APOB: variants seen among roughly 807,000 people sequenced by gnomAD.
The protein encoded by APOB is apolipoprotein B, also known as apolipoprotein B-100.
APOB carries 153 observed loss-of-function variants against 314.1 expected under a neutral mutation model. That is an observed-to-expected ratio of 0.49 (90% confidence interval 0.43 to 0.56). The LOEUF is 0.56. Among genes scored for constraint, APOB ranks in the 20% least tolerant of loss-of-function variants. The pLI, the probability that APOB is intolerant of heterozygous loss-of-function variation, is 0.00. For missense variants in APOB, 5,430 were observed against 5,350.7 expected (o/e 1.01, Z -0.46); for synonymous variants, 2,087 against 2,036.4 (o/e 1.02, Z -0.67).
At position 21,005,218 on chromosome 2, in the gene APOB, T is replaced by A; in HGVS notation, c.11650A>T (p.Thr3884Ser). The change falls in exon 26 of 29, where the codon ACT becomes TCT. Residue 3884 changes from threonine (T) to serine (S), a missense_variant. Thr to Ser is a moderately conservative substitution (Grantham distance 58). Coordinates refer to ENST00000233242, the MANE Select transcript of APOB (RefSeq NM_000384.3). ...GGAGAGTCTACCTCAAAGCGTGCAG[T>A]CAGTGCTTGAAAGGAAGGAATGACA... ...GIVIPSFQAL[T>S]ARFEVDSPVY... 1 of 1,614,050 alleles carries A rather than the reference T, an allele frequency of 6.2e-7. No homozygotes were observed. Among genetic ancestry groups the A allele is most frequent in the Non-Finnish European group, 8.5e-7 (1 of 1,179,968 alleles).
intron 21 of APOB, 89 bp from the exon 22 acceptor site, chr2:21,015,634 C>T: frequency 1.4e-6 from 2 of 1,391,254 alleles, no homozygotes; most frequent in South Asian, 1.2e-5. Context: ...TTGTGGTGAT[C>T]AAAACCAGAT....
intron 8 of APOB, among the ~76,000 whole-genome samples, chr2:21,033,997 A>G (rs1283622794): frequency 6.6e-6 from 1 of 152,228 alleles, no homozygotes; most frequent in Non-Finnish European, 1.5e-5. Context: ...AGGAGGTGCT[A>G]CTGTTGACAT....
intron 17 of APOB, 121 bp downstream of exon 17, chr2:21,023,404 G>A: frequency 1.7e-6 from 2 of 1,179,890 alleles, no homozygotes; most frequent in Non-Finnish European, 1.2e-6. Flanking sequence ...ATAATGAGGT[G>A]ATTACAATGA....
At position 21,015,982 on chromosome 2, in the gene APOB, G is replaced by A. The variant is rs373898025; in HGVS notation, c.3333-437C>T. The stretch of plus-strand genomic sequence containing the variant: ...GGTAGGAAAATCCAACTGGACATGC[G>A]CAGAGGGTTAAAATGTTGAGAGCTT... On this transcript the variant is annotated intron_variant, in intron 21 of 28. Transcript: ENST00000233242. 6.6e-4 allele frequency among the ~76,000 whole-genome samples: 101 copies of A among 152,278 alleles called. 6 individuals are homozygous for A. Among genetic ancestry groups the A allele is most frequent in the East Asian group, 2.3e-3 (12 of 5,170 alleles).
chr2:21,019,027 A>G lies in APOB; in HGVS notation c.3086T>C (p.Leu1029Ser). Residue 1029 changes from leucine (L) to serine (S), a missense_variant, in exon 20 of 29, where the codon TTG (leucine) becomes TCG (serine). Around this residue, in one of 3 missense-constraint regions of APOB, gnomAD observed 2,085 missense variants for 2,079.7 expected, o/e 1.00. Coordinates refer to ENST00000233242, the MANE Select transcript of APOB (RefSeq NM_000384.3). Reference sequence around the variant, plus strand: ...AGTTACAAACTTCAGGGTATCCACCAAGGCTCTGTCCTCTCTCTGGAGCTC... The same window carrying G: ...AGTTACAAACTTCAGGGTATCCACCGAGGCTCTGTCCTCTCTCTGGAGCTC... ...TYELQREDRA[L>S]VDTLKFVTQA... 22 of 1,614,076 alleles carry G rather than the reference A, an allele frequency of 1.4e-5. No homozygotes were observed. Among genetic ancestry groups the G allele is most frequent in the Non-Finnish European group, 1.9e-5 (22 of 1,180,010 alleles).
In APOB at chr2:21,009,408, G is replaced by C; in HGVS notation, c.7460C>G (p.Thr2487Ser). 1 of 1,614,028 alleles carries C rather than the reference G, an allele frequency of 6.2e-7. No homozygotes were observed. The highest frequency in any genetic ancestry group is 1.1e-5 in the South Asian group (1 of 91,082). Residue 2487 changes from threonine to serine, a missense_variant, in exon 26 of 29, where the codon ACC (threonine) becomes AGC (serine). By Grantham distance (58) the Thr-to-Ser change is moderately conservative. Transcript: ENST00000233242. ...CCAATTGATGATTAAGGTTATTTTG[G>C]TGTCCTGTAGGCTTTCCAGATACAC... is the stretch of plus-strand genomic sequence containing the variant. ...VAVYLESLQD[T>S]KITLIINWLQ...
chr2:21,033,386 T>C lies in APOB; in HGVS notation c.1037A>G (p.Asn346Ser), dbSNP rs1558574433. ...CTCAGTAACCAGCTTATTGAAGAGA[T>C]TAGCTCTCTGGATATTTTGCTCAGA... ...TISEQNIQRA[N>S]LFNKLVTELR... Residue 346 changes from asparagine (N) to serine (S), a missense_variant, in exon 9 of 29, where the codon AAT becomes AGT. Physicochemically the swap from Asn to Ser is conservative, Grantham distance 46. This residue lies in a region of APOB where 2,085 missense variants were observed against 2,079.7 expected (regional missense o/e 1.00). Coordinates refer to ENST00000233242, the MANE Select transcript of APOB (RefSeq NM_000384.3). 2 of 1,614,184 alleles carry C rather than the reference T, an allele frequency of 1.2e-6. No homozygotes were observed. The highest frequency in any genetic ancestry group is 3.3e-4 in the Middle Eastern group (2 of 6,062).
intron 12 of APOB, among the ~76,000 whole-genome samples, chr2:21,029,367 G>T (rs1232028185): frequency 6.6e-6 from 1 of 152,146 alleles, no homozygotes; most frequent in African/African-American, 2.4e-5. Flanking sequence ...AGAGAGAATT[G>T]CTTGAACCCA....
chr2:21,004,118 T>C, intron 28 of APOB, 151 bp downstream of exon 28: 1 of 761,120 alleles, frequency 1.3e-6, no homozygotes, highest in Non-Finnish European at 2.2e-6. Flanking sequence ...TGTAATACTT[T>C]CTAGAGAATA....
intron 2 of APOB, 64 bp from the exon 3 acceptor site, chr2:21,042,540 T>C (rs921184894): frequency 3.2e-6 from 4 of 1,243,854 alleles, no homozygotes; most frequent in Non-Finnish European, 2.4e-6. Flanking sequence ...CAGCCAATTC[T>C]GGGCAGAGAG....
intron 2 of APOB, 46 bp downstream of exon 2, chr2:21,043,467 G>A (rs776837828): frequency 6.3e-7 from 1 of 1,575,090 alleles, no homozygotes; most frequent in Non-Finnish European, 8.6e-7. Context: ...GTAGGAGAGT[G>A]CACGGGGCTG....
At position 21,004,572 on chromosome 2, in the gene APOB, A is replaced by G. The variant is rs769359527; in HGVS notation, c.11892T>C (p.Tyr3964=). The part of the protein sequence containing the change: ...FSAEYEEDGK[Y]EGLQEWEGKA... ...TAAAAGCTCCATACTGAAGTCCTTC[A>G]TATTTGCCATCTTCTTCATATTCTG... is the stretch of plus-strand genomic sequence containing the variant. Residue 3964 remains tyrosine, a synonymous_variant, in exon 27 of 29, where the codon TAT becomes TAC. Coordinates refer to ENST00000233242, the MANE Select transcript of APOB (RefSeq NM_000384.3). The G allele has an allele frequency of 1.9e-6, 3 of 1,613,746 alleles. No homozygotes were observed. Among genetic ancestry groups the G allele is most frequent in the East Asian group, 2.2e-5 (1 of 44,892 alleles).
chr2:21,041,750 A>G (rs1017268408), intron 3 of APOB, among the ~76,000 whole-genome samples: 1 of 152,190 alleles, frequency 6.6e-6, no homozygotes, highest in Non-Finnish European at 1.5e-5. Context: ...TGTCTACCAT[A>G]TTGGACAGCA....
At chr2:21,030,307 A>T (rs1260957075) in intron 10 of APOB, among the ~76,000 whole-genome samples, 1 of 152,222 alleles carries the variant, frequency 6.6e-6, no homozygotes, top group Non-Finnish European at 1.5e-5. Flanking sequence ...ACATACTTAC[A>T]GTCAACGGAT....
chr2:21,018,278 G>T (rs934867905), intron 20 of APOB, among the ~76,000 whole-genome samples: 1 of 152,102 alleles, frequency 6.6e-6, no homozygotes, highest in African/African-American at 2.4e-5. Flanking sequence ...GCCCTTGTCT[G>T]CCCATAGTCT....
Position 21,002,114 on chromosome 2 carries a change from G to T in APOB, c.13308C>A (p.Leu4436=), listed in dbSNP as rs754253964. ...GCAGAAATTGCTCAACTTGACTTGA[G>T]AGTTGGGAAGTAAAGTTAGAGGCAC... The part of the protein sequence containing the change: ...IVSASNFTSQ[L]SSQVEQFLHR... The change falls in exon 29 of 29, where the codon CTC becomes CTA. Residue 4436 remains leucine, a synonymous_variant. Transcript: ENST00000233242. The T allele has an allele frequency of 6.2e-7, 1 of 1,613,960 alleles. No homozygotes were observed. Among genetic ancestry groups the T allele is most frequent in the East Asian group, 2.2e-5 (1 of 44,870 alleles).
In APOB at chr2:21,016,435, T is replaced by C; in HGVS notation, c.3332+4A>G. The C allele has an allele frequency of 6.4e-7, 1 of 1,558,296 alleles. No individual in the cohort carries two copies. The highest frequency in any genetic ancestry group is 8.9e-7 in the Non-Finnish European group (1 of 1,129,356). On this transcript the variant is annotated splice_donor_region_variant and intron_variant, in intron 21 of 28. Transcript: ENST00000233242. ...CAGGTCAGATGACCCTCGGCCTTCT[T>C]TACCTTAGGTGGCCCATGAGGGCGA...
chr2:21,010,935 G>A lies in APOB; in HGVS notation c.5933C>T (p.Thr1978Ile). ...TTGGGTCTTGAGTTTCCAGGTGCCT[G>A]TCTGCTCAGCTGGAGTAAGCAGGGC... ...VSALLTPAEQ[T>I]GTWKLKTQFN... Residue 1978 changes from threonine (T) to isoleucine (I), a missense_variant, in exon 26 of 29, where the codon ACA (threonine) becomes ATA (isoleucine). Thr to Ile is a moderately conservative substitution (Grantham distance 89). This residue lies in a region of APOB where 3,281 missense variants were observed against 3,171.0 expected (regional missense o/e 1.03). Transcript: ENST00000233242. 6.2e-7 allele frequency: 1 copy of A among 1,614,136 alleles called. No homozygotes were observed. Among genetic ancestry groups the A allele is most frequent in the Non-Finnish European group, 8.5e-7 (1 of 1,180,010 alleles).
In APOB at chr2:21,003,342, G is replaced by GA; in HGVS notation, c.12088-9dup. ...TTTTTTATCTGGAGAGGACTAAACAGAGAGAAAAAAAAAAATAACATGTTT... is the reference window on the plus strand; with the variant it reads ...TTTTTTATCTGGAGAGGACTAAACAGAAGAGAAAAAAAAAAATAACATGTTT... On this transcript the variant is annotated splice_polypyrimidine_tract_variant and intron_variant, in intron 28 of 28. Transcript: ENST00000233242. 1.9e-6 allele frequency: 3 copies of GA among 1,590,678 alleles called. No individual in the cohort carries two copies. Among genetic ancestry groups the GA allele is most frequent in the African/African-American group, 1.4e-5 (1 of 72,996 alleles).
Sources: allele counts gnomAD v4.1 joint callset (sites outside exome capture counted in the v4.1 genomes callset), GRCh38; gene constraint gnomAD v4.1.1; regional missense constraint gnomAD v4.1.1; transcripts MANE v1.5; gene names NCBI Gene and HGNC (gene_info 2026-07-23, HGNC 2026-07-21).